ARHGAP15: variants seen among roughly 807,000 people sequenced by gnomAD.
ARHGAP15 encodes the protein rho GTPase-activating protein 15.
In ARHGAP15, 51 loss-of-function variants were observed where a neutral mutation model predicts 63.7. The ratio of observed to expected loss-of-function variants is 0.80; its 90% CI spans 0.64 to 1.01. The LOEUF (loss-of-function observed/expected upper bound fraction) is 1.01, where lower values mean the gene tolerates loss of function less well. Among genes scored for constraint, ARHGAP15 ranks in the 50% least tolerant of loss-of-function variants. The probability of loss-of-function intolerance (pLI) is 0.00; values close to 1 mark genes in which losing one functional copy is unlikely to be tolerated. For missense variants in ARHGAP15, 560 were observed against 564.6 expected (o/e 0.99, Z 0.08); for synonymous variants, 191 against 193.8 (o/e 0.99, Z 0.12).
intron 12 of ARHGAP15, among the ~76,000 whole-genome samples, chr2:143,636,954 C>T (rs752527838): frequency 9.1e-4 from 139 of 152,250 alleles, no homozygotes; most frequent in Admixed American, 1.6e-3. Flanking sequence ...CCCTGGCTTG[C>T]AGATGGCCAC....
intron 6 of ARHGAP15, among the ~76,000 whole-genome samples, chr2:143,400,842 T>C (rs1446106845): frequency 6.6e-6 from 1 of 152,040 alleles, no homozygotes; most frequent in East Asian, 1.9e-4. Flanking sequence ...CTTTTCTATA[T>C]ATGTTTTCAA....
At chr2:143,565,238 A>C (rs113089789) in intron 11 of ARHGAP15, among the ~76,000 whole-genome samples, 83 of 152,280 alleles carry the variant, frequency 5.5e-4, no homozygotes, top group African/African-American at 1.9e-3. Flanking sequence ...TTTTAACATT[A>C]AGGAATCCCA....
chr2:143,227,190 T>C (rs1278411939), intron 4 of ARHGAP15, among the ~76,000 whole-genome samples: 1 of 152,184 alleles, frequency 6.6e-6, no homozygotes, highest in Non-Finnish European at 1.5e-5. Flanking sequence ...CATGAACATA[T>C]ATATATTCTA....
chr2:143,180,252 A>C (rs113414943), intron 2 of ARHGAP15, among the ~76,000 whole-genome samples: 32 of 152,336 alleles, frequency 2.1e-4, no homozygotes, highest in African/African-American at 6.7e-4. Flanking sequence ...GAATATTCCA[A>C]ATTTTGTCGT....
intron 13 of ARHGAP15, among the ~76,000 whole-genome samples, chr2:143,743,025 G>T (rs1452887541): frequency 6.6e-6 from 1 of 152,200 alleles, no homozygotes; most frequent in Non-Finnish European, 1.5e-5. Context: ...CCAGCTCTGG[G>T]TCTAGAGACA....
At chr2:143,437,546 C>T (rs1689668169) in intron 8 of ARHGAP15, among the ~76,000 whole-genome samples, 1 of 152,202 alleles carries the variant, frequency 6.6e-6, no homozygotes, top group Admixed American at 6.6e-5. Flanking sequence ...TCCAAGGTCA[C>T]ACCTAGTTCT....
intron 13 of ARHGAP15, among the ~76,000 whole-genome samples, chr2:143,745,424 A>G (rs1559157666): frequency 6.6e-6 from 1 of 152,192 alleles, no homozygotes; most frequent in Non-Finnish European, 1.5e-5. Flanking sequence ...TCTTTGTCCA[A>G]TGCCACCATT....
At chr2:143,356,273 G>A (rs1574325728) in intron 6 of ARHGAP15, among the ~76,000 whole-genome samples, 1 of 152,250 alleles carries the variant, frequency 6.6e-6, no homozygotes, top group East Asian at 1.9e-4. Flanking sequence ...AGCGTGGAAT[G>A]TTGTACACAC....
chr2:143,536,510 C>T (rs1274940403), intron 10 of ARHGAP15, among the ~76,000 whole-genome samples: 1 of 146,922 alleles, frequency 6.8e-6, no homozygotes, highest in Non-Finnish European at 1.5e-5. Context: ...TCTCCTAATG[C>T]TATCCCTCCC....
chr2:143,630,202 A>G (rs1203260708), intron 12 of ARHGAP15, among the ~76,000 whole-genome samples: 5 of 152,124 alleles, frequency 3.3e-5, no homozygotes. Flanking sequence ...AATGTTTAGT[A>G]CTAGATATTA....
At chr2:143,189,478 T>C (rs1441019114) in intron 2 of ARHGAP15, among the ~76,000 whole-genome samples, 1 of 151,986 alleles carries the variant, frequency 6.6e-6, no homozygotes, top group African/African-American at 2.4e-5. Context: ...CTTCCTACTT[T>C]ATTCTCTGAT....
At chr2:143,176,426 G>A (rs1691011834) in intron 2 of ARHGAP15, among the ~76,000 whole-genome samples, 1 of 152,214 alleles carries the variant, frequency 6.6e-6, no homozygotes, top group East Asian at 1.9e-4. Flanking sequence ...CAGAAGACAT[G>A]CTATGAATAA....
chr2:143,698,102 A>C (rs1683929423), intron 12 of ARHGAP15, among the ~76,000 whole-genome samples: 1 of 152,148 alleles, frequency 6.6e-6, no homozygotes, highest in Admixed American at 6.6e-5. Context: ...ATTACTCCCT[A>C]TACATTGATT....
chr2:143,289,040 C>G (rs1682255416), intron 6 of ARHGAP15, among the ~76,000 whole-genome samples: 1 of 151,932 alleles, frequency 6.6e-6, no homozygotes, highest in Admixed American at 6.6e-5. Flanking sequence ...CAACATTCAC[C>G]CCTGATGAAG....
chr2:143,138,712 C>A (rs189152264), intron 1 of ARHGAP15, among the ~76,000 whole-genome samples: 1 of 152,014 alleles, frequency 6.6e-6, no homozygotes, highest in East Asian at 1.9e-4. Context: ...CTATCCAATA[C>A]GGTAGCAACT....
chr2:143,241,970 T>C (rs990040652), intron 5 of ARHGAP15, among the ~76,000 whole-genome samples: 1 of 152,146 alleles, frequency 6.6e-6, no homozygotes, highest in African/African-American at 2.4e-5. Flanking sequence ...AAGCAATCTG[T>C]GGGAGGAAGG....
chr2:143,265,919 A>T (rs1349170724), intron 6 of ARHGAP15, among the ~76,000 whole-genome samples: 1 of 152,136 alleles, frequency 6.6e-6, no homozygotes, highest in African/African-American at 2.4e-5. Context: ...TAAAATTTAA[A>T]GTTTCAATAA....
chr2:143,394,675 C>CT (rs1558942134), intron 6 of ARHGAP15, among the ~76,000 whole-genome samples: 1 of 152,120 alleles, frequency 6.6e-6, no homozygotes, highest in African/African-American at 2.4e-5. Context: ...GAATAGGCAT[C>CT]TTTTTTTAAA....
intron 12 of ARHGAP15, among the ~76,000 whole-genome samples, chr2:143,681,677 T>C (rs1683106003): frequency 1.3e-5 from 2 of 152,182 alleles, no homozygotes; most frequent in Admixed American, 6.5e-5. Flanking sequence ...TATGTTCCTA[T>C]TTTTGTTCAG....
Sources: allele counts gnomAD v4.1 joint callset (sites outside exome capture counted in the v4.1 genomes callset), GRCh38; gene constraint gnomAD v4.1.1; transcripts MANE v1.5; gene names NCBI Gene and HGNC (gene_info 2026-07-23, HGNC 2026-07-21).